The following HORMAD1 variants were observed in gnomAD, a reference collection of about 807,000 sequenced individuals.
The protein encoded by HORMAD1 is HORMA domain containing 1, also known as HORMA domain-containing protein 1.
A neutral mutation model predicts 58.2 loss-of-function variants in HORMAD1; 33 were observed. That is an observed-to-expected ratio of 0.57 (90% CI 0.43 to 0.76). The LOEUF (loss-of-function observed/expected upper bound fraction) is 0.76. HORMAD1 is among the 30% of genes least tolerant of loss of function. HORMAD1 has a pLI of 0.00. For missense variants in HORMAD1, 363 were observed against 462.0 expected (o/e 0.79, Z 1.96); for synonymous variants, 137 against 144.6 (o/e 0.95, Z 0.38).
chr1:150,717,002 G>T, intron 3 of HORMAD1, 136 bp downstream of exon 3: 5 of 437,110 alleles, frequency 1.1e-5, no homozygotes, highest in East Asian at 4.0e-5. Flanking sequence ...TTAAACAAGT[G>T]AACTGTCAGG....
At position 150,698,431 on chromosome 1, in the gene HORMAD1, C is replaced by T; in HGVS notation, c.*223G>A. ...ATCAATTTTGAAATTTTACTTATTACCGAATCAATTATGACATTTGTACTT... is the reference window on the plus strand; with the variant it reads ...ATCAATTTTGAAATTTTACTTATTATCGAATCAATTATGACATTTGTACTT... On this transcript the variant is annotated 3_prime_UTR_variant, in exon 15 of 15. Coordinates refer to ENST00000361824, the MANE Select transcript of HORMAD1 (RefSeq NM_032132.5). 1 of 314,158 alleles carries T rather than the reference C, an allele frequency of 3.2e-6. No individual in the cohort carries two copies. The highest frequency in any genetic ancestry group is 5.8e-6 in the Non-Finnish European group (1 of 172,388). 19.5% of individuals were successfully genotyped at this position (314,158 alleles called of 1,614,324 possible).
At chr1:150,710,485 A>T (rs1160732018) in intron 7 of HORMAD1, among the ~76,000 whole-genome samples, 2 of 152,204 alleles carry the variant, frequency 1.3e-5, no homozygotes. Flanking sequence ...CATTCAATAA[A>T]TATTATTATT....
intron 4 of HORMAD1, among the ~76,000 whole-genome samples, 175 bp from the exon 5 acceptor site, chr1:150,714,296 T>G (rs1244791142): frequency 6.6e-6 from 1 of 152,008 alleles, no homozygotes; most frequent in Non-Finnish European, 1.5e-5. Context: ...GTGGCAGAAA[T>G]GTAAAATGAT....
intron 4 of HORMAD1, 134 bp downstream of exon 4, chr1:150,714,481 G>T: frequency 2.2e-6 from 1 of 452,136 alleles, no homozygotes; most frequent in South Asian, 6.8e-5. Context: ...AAAATTTAAT[G>T]ACCTACAAAA....
At chr1:150,704,216 G>GT in intron 11 of HORMAD1, 22 bp from the exon 12 acceptor site, 1 of 1,131,696 alleles carries the variant, frequency 8.8e-7, no homozygotes, top group Non-Finnish European at 1.3e-6. Flanking sequence ...AAAAAAAAAA[G>GT]TTACCCGGGT....
intron 3 of HORMAD1, among the ~76,000 whole-genome samples, chr1:150,716,910 C>T (rs1205808633): frequency 2.9e-5 from 4 of 135,948 alleles, no homozygotes; most frequent in Non-Finnish European, 6.1e-5. Context: ...TTGCAGTGAG[C>T]GGAGATGGCA....
intron 9 of HORMAD1, among the ~76,000 whole-genome samples, chr1:150,707,999 T>C (rs1557797463): frequency 6.6e-6 from 1 of 152,152 alleles, no homozygotes; most frequent in East Asian, 1.9e-4. Context: ...GTTTTACCAA[T>C]CTGATAAGTG....
intron 9 of HORMAD1, among the ~76,000 whole-genome samples, chr1:150,708,026 T>C (rs587683715): frequency 8.8e-4 from 134 of 152,302 alleles, no homozygotes; most frequent in African/African-American, 2.7e-3. Context: ...GTTAACTCAT[T>C]GTTAAATTTG....
rs763345618 is a variant in HORMAD1, at chr1:150,706,723, C to T, written c.634G>A (p.Val212Met). 1 of 1,613,568 alleles carries T rather than the reference C, an allele frequency of 6.2e-7. No homozygotes were observed. The highest frequency in any genetic ancestry group is 1.3e-5 in the African/African-American group (1 of 74,998). ...IFEGEPMYLN[V>M]GEVSTPFHIF... ...TGAAAAGGTGTTGAGACTTCTCCCA[C>T]ATTTAAATACATAGGTTCCCCTTCA... Residue 212 changes from valine to methionine, a missense_variant, in exon 10 of 15, where the codon GTG (valine) becomes ATG (methionine). Physicochemically the swap from Val to Met is conservative, Grantham distance 21 (BLOSUM62 1). Around this residue, in one of 3 missense-constraint regions of HORMAD1, gnomAD observed 226 missense variants for 257.8 expected, o/e 0.88. Transcript: ENST00000361824.
In HORMAD1 at chr1:150,714,601, A is replaced by T. The variant is rs1486764977; in HGVS notation, c.242+14T>A. The T allele has an allele frequency of 6.0e-6, 8 of 1,339,316 alleles. No individual in the cohort carries two copies. In the African/African-American group the frequency reaches 1.0e-4, roughly 17 times the overall value. The allele number at this position is 1,339,316 out of a possible 1,614,324, so 83.0% of individuals were successfully genotyped here. On this transcript the variant is annotated intron_variant, in intron 4 of 14. Transcript: ENST00000361824. ...AAAAAATAATTTTCTCTCTTTAGGT[A>T]TTCTTTTACTTGCCATTTCACTAAC...
chr1:150,710,809 C>A (rs888517413), intron 7 of HORMAD1, among the ~76,000 whole-genome samples: 17 of 152,256 alleles, frequency 1.1e-4, no homozygotes, highest in Middle Eastern at 3.4e-3. Context: ...TCTACCTCTC[C>A]TTGACTGAAT....
chr1:150,717,508 A>ATTT lies in HORMAD1; in HGVS notation c.34-229_34-227dup, dbSNP rs140527786. Reference sequence around the variant, plus strand: ...GCAAAAAGTATCTAAAAATCTTTTAATTTTTTTTTTTTATTTTTAAAAAAA... The same window carrying ATTT: ...GCAAAAAGTATCTAAAAATCTTTTAATTTTTTTTTTTTTTTATTTTTAAAAAAA... On this transcript the variant is annotated intron_variant, in intron 2 of 14. Transcript: ENST00000361824. Among the ~76,000 whole-genome samples, 1,206 of 149,626 alleles carry ATTT rather than the reference A, an allele frequency of 8.1e-3. 8 individuals carry two copies. Among genetic ancestry groups the ATTT allele is most frequent in the Non-Finnish European group, 0.011 (722 of 67,290 alleles).
chr1:150,714,192 C>T (rs1651993361), intron 4 of HORMAD1, 71 bp from the exon 5 acceptor site: 10 of 937,282 alleles, frequency 1.1e-5, no homozygotes, highest in Non-Finnish European at 1.7e-5. Flanking sequence ...TCATAAATTT[C>T]CATATTATCT....
chr1:150,710,293 G>T (rs1651834372), intron 7 of HORMAD1, among the ~76,000 whole-genome samples: 1 of 152,012 alleles, frequency 6.6e-6, no homozygotes, highest in South Asian at 2.1e-4. Flanking sequence ...GCTAACACAG[G>T]GCATAAATCT....
At chr1:150,701,749 A>C (rs1466802955) in intron 13 of HORMAD1, 3 of 152,226 alleles carry the variant, frequency 2.0e-5, no homozygotes, top group Non-Finnish European at 4.4e-5. Flanking sequence ...AAAAGCTAAA[A>C]TAAAGCAGTG....
chr1:150,699,690 AT>A (rs765754825), intron 14 of HORMAD1, among the ~76,000 whole-genome samples: 206 of 105,314 alleles, frequency 2.0e-3, no homozygotes, highest in African/African-American at 2.4e-3. Context: ...ACGCCCAGCT[AT>A]TTTTTTTTTT....
At chr1:150,700,913 A>G (rs79093352) in intron 13 of HORMAD1, among the ~76,000 whole-genome samples, 1,681 of 152,262 alleles carry the variant, frequency 0.011, 34 homozygotes, top group African/African-American at 0.039. Flanking sequence ...AATGCTGTAT[A>G]TATAGTTATT....
chr1:150,712,230 C>T (rs1332384457), intron 5 of HORMAD1, among the ~76,000 whole-genome samples: 1 of 151,820 alleles, frequency 6.6e-6, no homozygotes, highest in Non-Finnish European at 1.5e-5. Flanking sequence ...AGTTCAGGGC[C>T]CTATGAATTC....
chr1:150,702,298 A>T (rs1651559928), intron 13 of HORMAD1, among the ~76,000 whole-genome samples: 1 of 152,216 alleles, frequency 6.6e-6, no homozygotes, highest in South Asian at 2.1e-4. Context: ...CTATGGAGAA[A>T]TAGGAACACT....
Sources: allele counts gnomAD v4.1 joint callset (sites outside exome capture counted in the v4.1 genomes callset), GRCh38; gene constraint gnomAD v4.1.1; regional missense constraint gnomAD v4.1.1; transcripts MANE v1.5; gene names NCBI Gene and HGNC (gene_info 2026-07-23, HGNC 2026-07-21).